HECTD4: variants seen among roughly 807,000 people sequenced by gnomAD.
The protein encoded by HECTD4 is HECT domain E3 ubiquitin protein ligase 4, also known as probable E3 ubiquitin-protein ligase HECTD4.
HECTD4 carries 114 observed loss-of-function variants against 471.5 expected under a neutral mutation model. The ratio of observed to expected loss-of-function variants is 0.24; its 90% CI spans 0.21 to 0.28. HECTD4 has a LOEUF of 0.28. HECTD4 is among the 10% of genes least tolerant of loss of function. The probability of loss-of-function intolerance (pLI) is 1.00; values close to 1 mark genes in which losing one functional copy is unlikely to be tolerated. For missense variants in HECTD4, 3,866 were observed against 5,651.5 expected (o/e 0.68, Z 10.13); for synonymous variants, 2,012 against 2,256.0 (o/e 0.89, Z 3.07).
chr12:112,192,857 G>T, intron 58 of HECTD4, 92 bp from the exon 59 acceptor site: 1 of 1,260,728 alleles, frequency 7.9e-7, no homozygotes, highest in South Asian at 1.5e-5. Context: ...GACGTTAGAT[G>T]AGAACTGGGC....
intron 7 of HECTD4, among the ~76,000 whole-genome samples, chr12:112,303,363 C>T (rs1208097069): frequency 6.6e-6 from 1 of 152,138 alleles, no homozygotes; most frequent in Non-Finnish European, 1.5e-5. Context: ...TTCCCCTAAA[C>T]GTATACTTGG....
In HECTD4 at chr12:112,163,787, G is replaced by C; in HGVS notation, c.12702-50C>G. 1 of 1,393,600 alleles carries C rather than the reference G, an allele frequency of 7.2e-7. No individual in the cohort carries two copies. 86.3% of individuals were successfully genotyped at this position (1,393,600 alleles called of 1,614,324 possible). A position where few individuals can be genotyped will look rare whatever the true frequency, so the allele number is the denominator to read the frequency against. Reference sequence around the variant, plus strand: ...AGGGAGAACACCGCCGAAGAGGCTGGGTCTGGGGGCCACACCCACTCAGCT... The same window carrying C: ...AGGGAGAACACCGCCGAAGAGGCTGCGTCTGGGGGCCACACCCACTCAGCT... On this transcript the variant is annotated intron_variant, in intron 73 of 75. Coordinates refer to ENST00000682272, the MANE Select transcript of HECTD4 (RefSeq NM_001388303.1). This position sits in a 1 kb window ranked among gnomAD's most constrained non-coding sequence, Gnocchi z 8.2.
At chr12:112,309,730 T>C in intron 4 of HECTD4, 61 bp from the exon 5 acceptor site, 1 of 784,680 alleles carries the variant, frequency 1.3e-6, no homozygotes, top group Non-Finnish European at 2.0e-6. Flanking sequence ...ATTATAAACA[T>C]GCTTTTTCTA....
At chr12:112,290,803 A>T (rs2034861480) in intron 7 of HECTD4, among the ~76,000 whole-genome samples, 2 of 148,202 alleles carry the variant, frequency 1.3e-5, no homozygotes, top group Admixed American at 1.4e-4. Context: ...AGCTGAGATC[A>T]CACCATTGCA....
intron 23 of HECTD4, 105 bp from the exon 24 acceptor site, chr12:112,251,239 A>G: frequency 9.3e-7 from 1 of 1,079,810 alleles, no homozygotes; most frequent in Non-Finnish European, 1.3e-6. Flanking sequence ...GGTTCTACAG[A>G]GCAGCATCGA....
chr12:112,231,642 C>A lies in HECTD4; in HGVS notation c.6071G>T (p.Gly2024Val). Reference sequence around the variant, plus strand: ...AGGTGGCCCAATGCTGACGATGAGGCCTGACTGTGCCCACTTGGTGGCTTT... The same window carrying A: ...AGGTGGCCCAATGCTGACGATGAGGACTGACTGTGCCCACTTGGTGGCTTT... ...LRKATKWAQSGLIVSIGPPVE... is the reference protein window; with the variant it reads ...LRKATKWAQSVLIVSIGPPVE... Residue 2024 changes from glycine (G) to valine (V), a missense_variant, in exon 39 of 76, where the codon GGC (glycine) becomes GTC (valine). Around this residue, in one of 16 missense-constraint regions of HECTD4, gnomAD observed 617 missense variants for 915.1 expected, o/e 0.67. Coordinates refer to ENST00000682272, the MANE Select transcript of HECTD4 (RefSeq NM_001388303.1). 1 of 1,613,830 alleles carries A rather than the reference C, an allele frequency of 6.2e-7. No homozygotes were observed. Among genetic ancestry groups the A allele is most frequent in the Non-Finnish European group, 8.5e-7 (1 of 1,179,868 alleles).
At chr12:112,305,438 T>C (rs933618178) in intron 7 of HECTD4, among the ~76,000 whole-genome samples, 6 of 152,148 alleles carry the variant, frequency 3.9e-5, no homozygotes, top group Non-Finnish European at 4.4e-5. Context: ...CCTCACCTAC[T>C]CCCCAGCCTC....
intron 72 of HECTD4, 86 bp from the exon 73 acceptor site, chr12:112,164,361 G>GCA (rs1486918589): frequency 1.4e-6 from 2 of 1,419,906 alleles, no homozygotes; most frequent in Admixed American, 3.9e-5. Context: ...AACCCCAAGC[G>GCA]CAGCTGGTGG....
chr12:112,167,146 G>A, intron 72 of HECTD4, 171 bp downstream of exon 72: 1 of 536,130 alleles, frequency 1.9e-6, no homozygotes, highest in Non-Finnish European at 3.2e-6. Flanking sequence ...GAGGCCAGAG[G>A]CCTCTGTCCC....
chr12:112,361,362 TAGGCTCA>T (rs781707779), intron 1 of HECTD4, among the ~76,000 whole-genome samples: 26 of 152,082 alleles, frequency 1.7e-4, no homozygotes, highest in Admixed American at 2.0e-4. Context: ...CCTCAACCTC[TAGGCTCA>T]AGCGATCCTC....
intron 1 of HECTD4, among the ~76,000 whole-genome samples, chr12:112,331,746 G>T (rs1385154411): frequency 6.6e-6 from 1 of 152,134 alleles, no homozygotes. Context: ...GAGAGTCAGG[G>T]GTGGCATAAG....
At position 112,194,995 on chromosome 12, in the gene HECTD4, G is replaced by A. The variant is rs758503701; in HGVS notation, c.8639C>T (p.Pro2880Leu). The A allele has an allele frequency of 1.9e-6, 3 of 1,611,240 alleles. No individual in the cohort carries two copies. Among genetic ancestry groups the A allele is most frequent in the Non-Finnish European group, 2.5e-6 (3 of 1,178,860 alleles). ...GCGAGTGAACAAGTGAGGCAACTTC[G>A]GGGCGAAGATATTGAGCAGGGCCAT... ...CRMALLNIFA[P>L]KLPHLFTRLF... Residue 2880 changes from proline to leucine, a missense_variant, in exon 56 of 76, where the codon CCG (proline) becomes CTG (leucine). By Grantham distance (98) the Pro-to-Leu change is moderately conservative. This residue lies in a region of HECTD4 where 266 missense variants were observed against 441.6 expected (regional missense o/e 0.60). Transcript: ENST00000682272. This position sits in a 1 kb window ranked among gnomAD's most constrained non-coding sequence, Gnocchi z 4.6.
rs188563113 is a variant in HECTD4, at chr12:112,295,457, C to G, written c.1335+10607G>C. 3.3e-5 allele frequency among the ~76,000 whole-genome samples: 5 copies of G among 150,924 alleles called. No individual in the cohort carries two copies. The East Asian group carries it at 9.7e-4, about 29-fold the overall frequency. On this transcript the variant is annotated intron_variant, in intron 7 of 75. Transcript: ENST00000682272. ...CCTAGCTCACTACAGCCTTGGACTC[C>G]TGGACTGAAGTGATCCTTCTACCTC...
chr12:112,357,494 T>A (rs7977931), intron 1 of HECTD4, among the ~76,000 whole-genome samples: 32,263 of 151,752 alleles, frequency 0.21, 5,534 homozygotes, highest in East Asian at 0.85. Flanking sequence ...ATAAGGAGGG[T>A]GGGAGGAAGG....
intron 1 of HECTD4, among the ~76,000 whole-genome samples, chr12:112,345,359 A>G (rs1278315085): frequency 1.3e-5 from 2 of 152,152 alleles, no homozygotes; most frequent in Non-Finnish European, 2.9e-5. Context: ...ACAATAAACA[A>G]GACTCTAACT....
intron 43 of HECTD4, among the ~76,000 whole-genome samples, chr12:112,227,124 C>T (rs773449230): frequency 2.0e-5 from 3 of 152,094 alleles, no homozygotes; most frequent in African/African-American, 4.8e-5. Context: ...GTATGGCGAT[C>T]GCTCTCACCT....
At position 112,186,662 on chromosome 12, in the gene HECTD4, CT is replaced by C. The variant is rs778779883; in HGVS notation, c.9473-1170del. Among the ~76,000 whole-genome samples the C allele has an allele frequency of 9.4e-3, 1,091 of 116,514 alleles. 2 individuals are homozygous for C. Among genetic ancestry groups the C allele is most frequent in the Middle Eastern group, 0.017 (3 of 172 alleles). 76.4% of individuals were successfully genotyped at this position (116,514 alleles called of 152,430 possible). Reference sequence around the variant, plus strand: ...CCTTCTTTAGTAATTTTTTAAGCTGCTTTTTTTTTTTTTTTTTAAATTGAGA... The same window carrying C: ...CCTTCTTTAGTAATTTTTTAAGCTGCTTTTTTTTTTTTTTTTAAATTGAGA... On this transcript the variant is annotated intron_variant, in intron 60 of 75. Coordinates refer to ENST00000682272, the MANE Select transcript of HECTD4 (RefSeq NM_001388303.1).
chr12:112,334,990 A>G (rs909113371), intron 1 of HECTD4, among the ~76,000 whole-genome samples: 8 of 152,178 alleles, frequency 5.3e-5, no homozygotes, highest in Admixed American at 2.0e-4. Context: ...TGATCCACCA[A>G]TCCCACTACT....
chr12:112,167,992 G>A, intron 70 of HECTD4, 75 bp from the exon 71 acceptor site: 1 of 1,178,234 alleles, frequency 8.5e-7, no homozygotes. Context: ...CCTCTCACCT[G>A]CTGGCTGGAG....
Sources: allele counts gnomAD v4.1 joint callset (sites outside exome capture counted in the v4.1 genomes callset), GRCh38; gene constraint gnomAD v4.1.1; regional missense constraint gnomAD v4.1.1; non-coding constraint Gnocchi (gnomAD v3.1); transcripts MANE v1.5; gene names NCBI Gene and HGNC (gene_info 2026-07-23, HGNC 2026-07-21).